Variants in ASXL3 observed in about 807,000 individuals in gnomAD.
The protein encoded by ASXL3 is ASXL transcriptional regulator 3.
Under a neutral mutation model 170.6 loss-of-function variants are expected in ASXL3, and 34 were observed. That is an observed-to-expected ratio of 0.20 (90% confidence interval 0.15 to 0.27). ASXL3 has a LOEUF of 0.27. ASXL3 is among the 10% of genes least tolerant of loss of function. The pLI, the probability that ASXL3 is intolerant of heterozygous loss-of-function variation, is 1.00. For synonymous variants in ASXL3, 1,002 were observed against 989.1 expected, an observed-to-expected ratio of 1.01 and a Z score of -0.24; for missense variants, 2,592 against 2,695.3, an observed-to-expected ratio of 0.96 and a Z score of 0.85.
chr18:33,618,838 A>G (rs988676647), intron 2 of ASXL3, among the ~76,000 whole-genome samples: 1 of 152,158 alleles, frequency 6.6e-6, no homozygotes, highest in African/African-American at 2.4e-5. Context: ...TGTATATGAT[A>G]TTCCAACATG....
At chr18:33,600,649 T>C (rs868355655) in intron 1 of ASXL3, among the ~76,000 whole-genome samples, 23 of 152,158 alleles carry the variant, frequency 1.5e-4, no homozygotes, top group Non-Finnish European at 1.3e-4. Context: ...GCGAAGTGTT[T>C]TAAATGATTA....
At chr18:33,684,519 G>A (rs537375820) in intron 8 of ASXL3, among the ~76,000 whole-genome samples, 9 of 152,140 alleles carry the variant, frequency 5.9e-5, no homozygotes, top group African/African-American at 2.2e-4. Flanking sequence ...CAATTTATAT[G>A]TATCTCTTTG....
rs1248905168 is a variant in ASXL3 at position 33,646,252 on chromosome 18, AGTC to A, written c.258_260del (p.Ser87del). 6.2e-7 allele frequency: 1 copy of A among 1,610,468 alleles called. No individual in the cohort carries two copies. The highest frequency in any genetic ancestry group is 8.5e-7 in the Non-Finnish European group (1 of 1,177,660). On this transcript the variant is annotated inframe_deletion, in exon 4 of 12. Transcript: ENST00000269197. ...CTTTTCAAAATAATACAGAAAGAGGAGTCGTCATGCCCAGCAGATGGCACGTTG... is the reference window on the plus strand; with the variant it reads ...CTTTTCAAAATAATACAGAAAGAGGAGTCATGCCCAGCAGATGGCACGTTG...
chr18:33,719,813 C>T (rs1011163917), intron 8 of ASXL3, among the ~76,000 whole-genome samples: 2 of 152,014 alleles, frequency 1.3e-5, no homozygotes, highest in Non-Finnish European at 2.9e-5. Flanking sequence ...CCTCCCCAGA[C>T]ACTGAATCTG....
At position 33,645,611 on chromosome 18, in the gene ASXL3, T is replaced by G. The variant is rs1425013683; in HGVS notation, c.246+609T>G. 2.6e-5 allele frequency among the ~76,000 whole-genome samples: 4 copies of G among 151,910 alleles called. No homozygotes were observed. The East Asian group carries it at 7.7e-4, about 29-fold the overall frequency. On this transcript the variant is annotated intron_variant, in intron 3 of 11. Coordinates refer to ENST00000269197, the MANE Select transcript of ASXL3 (RefSeq NM_030632.3). ...GGAAATGCCACCTGAAATGCAACAT[T>G]CCAGAAGACAAAAGCTTATAATCTA...
chr18:33,641,029 A>G (rs866491316), intron 2 of ASXL3, among the ~76,000 whole-genome samples: 1 of 152,106 alleles, frequency 6.6e-6, no homozygotes, highest in African/African-American at 2.4e-5. Flanking sequence ...ATTATGTTAT[A>G]TATAAAGGAA....
chr18:33,686,414 T>A (rs2066598355), intron 8 of ASXL3, among the ~76,000 whole-genome samples: 1 of 152,186 alleles, frequency 6.6e-6, no homozygotes, highest in South Asian at 2.1e-4. Flanking sequence ...AATGTCATAA[T>A]AGAAGTATGA....
At position 33,610,128 on chromosome 18, in the gene ASXL3, C is replaced by T. The variant is rs2065311512; in HGVS notation, c.137+2452C>T. On this transcript the variant is annotated intron_variant, in intron 2 of 11. Coordinates refer to ENST00000269197, the MANE Select transcript of ASXL3 (RefSeq NM_030632.3). ...ACATTTATTTTGCCTACTTAATGTACTGTTTTGTTACTTTCCAAGTTTTTA... is the reference window on the plus strand; with the variant it reads ...ACATTTATTTTGCCTACTTAATGTATTGTTTTGTTACTTTCCAAGTTTTTA... Among the ~76,000 whole-genome samples, 5 of 152,108 alleles carry T rather than the reference C, an allele frequency of 3.3e-5. No individual in the cohort carries two copies. In the South Asian group the frequency reaches 1.0e-3, roughly 32 times the overall value.
chr18:33,617,779 T>C (rs960479696), intron 2 of ASXL3, among the ~76,000 whole-genome samples: 3 of 152,146 alleles, frequency 2.0e-5, no homozygotes, highest in African/African-American at 7.2e-5. Flanking sequence ...TCCAGAAACA[T>C]TGAACACTCT....
At chr18:33,599,482 C>G (rs543759447) in intron 1 of ASXL3, among the ~76,000 whole-genome samples, 4 of 152,214 alleles carry the variant, frequency 2.6e-5, no homozygotes. Flanking sequence ...TTGTTTAGCT[C>G]TGTCATGAAT....
chr18:33,607,535 A>G, intron 1 of ASXL3, 59 bp from the exon 2 acceptor site: 1 of 1,305,262 alleles, frequency 7.7e-7, no homozygotes. Flanking sequence ...TGATTCACAT[A>G]CATTTTCATT....
chr18:33,579,761 G>C (rs1415886844), intron 1 of ASXL3, among the ~76,000 whole-genome samples: 1 of 151,798 alleles, frequency 6.6e-6, no homozygotes, highest in Admixed American at 6.6e-5. Flanking sequence ...ACATTTATTC[G>C]CCAGCTTACT....
chr18:33,726,287 G>A (rs183285164), intron 8 of ASXL3, among the ~76,000 whole-genome samples: 110 of 152,086 alleles, frequency 7.2e-4, no homozygotes, highest in African/African-American at 2.4e-3. Context: ...ACCATTTCAC[G>A]CTGCCTCCAG....
chr18:33,589,858 G>T (rs2065062823), intron 1 of ASXL3, among the ~76,000 whole-genome samples: 1 of 152,038 alleles, frequency 6.6e-6, no homozygotes, highest in Non-Finnish European at 1.5e-5. Context: ...AACTAAACTT[G>T]TTATATGCAT....
intron 11 of ASXL3, among the ~76,000 whole-genome samples, chr18:33,741,875 A>C (rs1200543102): frequency 6.6e-6 from 1 of 152,218 alleles, no homozygotes; most frequent in Non-Finnish European, 1.5e-5. Flanking sequence ...GAGTCTTTCC[A>C]GCTCTACACA....
chr18:33,717,458 T>G (rs984240250), intron 8 of ASXL3, among the ~76,000 whole-genome samples: 1 of 152,174 alleles, frequency 6.6e-6, no homozygotes, highest in African/African-American at 2.4e-5. Flanking sequence ...CATTTATTAT[T>G]TCTAGTTCAT....
At chr18:33,600,970 A>G (rs557497137) in intron 1 of ASXL3, among the ~76,000 whole-genome samples, 4 of 152,292 alleles carry the variant, frequency 2.6e-5, no homozygotes. Context: ...TAACAAGCAA[A>G]ACAAGATAAT....
intron 2 of ASXL3, among the ~76,000 whole-genome samples, chr18:33,620,550 C>T (rs531357253): frequency 1.0e-3 from 154 of 152,120 alleles, no homozygotes; most frequent in South Asian, 2.7e-3. Flanking sequence ...TTTAACTTTT[C>T]GAAATTTTAA....
chr18:33,616,390 G>T (rs1462106816), intron 2 of ASXL3, among the ~76,000 whole-genome samples: 5 of 114,186 alleles, frequency 4.4e-5, no homozygotes, highest in African/African-American at 1.3e-4. Context: ...AAGGACTGTT[G>T]TGTGTGCCTG....
Sources: gnomAD v4.1 joint callset for allele counts (sites outside exome capture counted in the v4.1 genomes callset) on GRCh38, gnomAD v4.1.1 for gene constraint, MANE v1.5 for transcripts, NCBI Gene and HGNC (gene_info 2026-07-23, HGNC 2026-07-21) for gene names.